Variants in HMGXB4 observed in about 807,000 individuals in gnomAD.
HMGXB4 encodes HMG-box containing 4.
Under a neutral mutation model 63.9 loss-of-function variants are expected in HMGXB4, and 27 were observed. The ratio of observed to expected loss-of-function variants is 0.42; its 90% confidence interval spans 0.31 to 0.58. The LOEUF is 0.58. Ranked by LOEUF, HMGXB4 falls within the 20% of genes least tolerant of loss-of-function variation. The pLI is 0.13. For synonymous variants in HMGXB4, 264 were observed against 265.3 expected (o/e 0.99, Z 0.05); for missense variants, 624 against 700.7 (o/e 0.89, Z 1.24).
Position 35,262,370 on chromosome 22 carries a change from C to CA in HMGXB4, c.-18dup. The CA allele has an allele frequency of 6.2e-7, 1 of 1,613,418 alleles. No homozygotes were observed. The highest frequency in any genetic ancestry group is 8.5e-7 in the Non-Finnish European group (1 of 1,179,334). ...GAGCCTGGACACAGTGACACATTCT[C>CA]AAAGGCCCTGCAGGACCACCATGGC... is the stretch of plus-strand genomic sequence containing the variant. On this transcript the variant is annotated 5_prime_UTR_variant, in exon 2 of 11. Coordinates refer to ENST00000216106, the MANE Select transcript of HMGXB4 (RefSeq NM_001003681.3).
At chr22:35,270,120 C>T (rs933831411) in intron 5 of HMGXB4, among the ~76,000 whole-genome samples, 6 of 152,214 alleles carry the variant, frequency 3.9e-5, no homozygotes, top group Admixed American at 6.5e-5. Context: ...AGTAGCCGTC[C>T]GCGGCCTGTG....
chr22:35,274,682 G>A (rs182350022), intron 5 of HMGXB4, among the ~76,000 whole-genome samples: 9 of 152,292 alleles, frequency 5.9e-5, no homozygotes, highest in Admixed American at 4.6e-4. Flanking sequence ...CAAGAGCCAC[G>A]CTCATTTCAA....
chr22:35,283,514 G>A (rs186855773), intron 5 of HMGXB4, among the ~76,000 whole-genome samples: 3 of 152,322 alleles, frequency 2.0e-5, no homozygotes, highest in African/African-American at 7.2e-5. Context: ...TCCTGGCCAG[G>A]CATGGTGGCT....
intron 5 of HMGXB4, among the ~76,000 whole-genome samples, chr22:35,280,535 T>TCCCCGCA (rs1924183221): frequency 6.6e-6 from 1 of 152,148 alleles, no homozygotes; most frequent in Admixed American, 6.6e-5. Context: ...ATTCATCCCT[T>TCCCCGCA]CCCCGCACTC....
At chr22:35,245,818 G>A in the HMGXB4 span, among the ~76,000 whole-genome samples, 18 of 152,174 alleles carry the variant, frequency 1.2e-4, no homozygotes, top group African/African-American at 4.1e-4. Context: ...TGGGAGCTTC[G>A]GCCCTCTGCT....
the HMGXB4 span, among the ~76,000 whole-genome samples, chr22:35,241,586 T>C: frequency 6.6e-6 from 1 of 152,194 alleles, no homozygotes; most frequent in Non-Finnish European, 1.5e-5. Flanking sequence ...TCCACTGAGC[T>C]CCCAGGGCCT....
At position 35,262,328 on chromosome 22, in the gene HMGXB4, G is replaced by A. The variant is rs375924761; in HGVS notation, c.-63G>A. ...TTTCCTTCTTTGTTTCTCAGACCTG[G>A]TCCTGTAGACGGGAAGGAGCCTGGA... On this transcript the variant is annotated 5_prime_UTR_variant, in exon 2 of 11. Transcript: ENST00000216106. The A allele has an allele frequency of 2.6e-6, 4 of 1,531,672 alleles. No homozygotes were observed. Among genetic ancestry groups the A allele is most frequent in the Non-Finnish European group, 3.6e-6 (4 of 1,105,150 alleles). The allele number at this position is 1,531,672 out of a possible 1,614,324, so 94.9% of individuals were successfully genotyped here.
intron 5 of HMGXB4, among the ~76,000 whole-genome samples, chr22:35,278,208 A>G (rs74642269): frequency 1.3e-3 from 191 of 152,272 alleles, no homozygotes; most frequent in African/African-American, 4.5e-3. Flanking sequence ...AGCACTGAAT[A>G]ATATTCCATT....
At chr22:35,275,150 G>A (rs542625602) in intron 5 of HMGXB4, among the ~76,000 whole-genome samples, 4 of 111,868 alleles carry the variant, frequency 3.6e-5, no homozygotes, top group Non-Finnish European at 4.9e-5. Flanking sequence ...ACGGATTTTC[G>A]CTCTTGTCGC....
chr22:35,252,406 A>G, the HMGXB4 span, among the ~76,000 whole-genome samples: 1 of 152,294 alleles, frequency 6.6e-6, no homozygotes, highest in East Asian at 1.9e-4. Context: ...GCAACTATTG[A>G]ATTCTCTGTT....
chr22:35,274,229 A>G (rs369985467), intron 5 of HMGXB4, among the ~76,000 whole-genome samples: 2 of 152,212 alleles, frequency 1.3e-5, no homozygotes, highest in East Asian at 3.8e-4. Context: ...CTTAAGGCCA[A>G]GTAGGAATTA....
In HMGXB4 at chr22:35,287,468, C is replaced by CGA. The variant is rs1569005948; in HGVS notation, c.1468+17_1468+18insAG. 3.8e-6 allele frequency: 6 copies of CGA among 1,558,854 alleles called. No individual in the cohort carries two copies. The highest frequency in any genetic ancestry group is 5.3e-6 in the Non-Finnish European group (6 of 1,132,320). The stretch of plus-strand genomic sequence containing the variant: ...AAAGTCAAAGGTAGTGACCACATCC[C>CGA]GCCCCTGCTTTTCTCTAAAGCATGT... On this transcript the variant is annotated intron_variant, in intron 8 of 10. Transcript: ENST00000216106.
chr22:35,257,664 T>TG (rs1427505646), intron 1 of HMGXB4, 107 bp downstream of exon 1: 5 of 152,462 alleles, frequency 3.3e-5, no homozygotes, highest in Non-Finnish European at 7.3e-5. Flanking sequence ...ACATCACCTC[T>TG]GGGGTGCCCC....
At position 35,284,031 on chromosome 22, in the gene HMGXB4, C is replaced by A; in HGVS notation, c.1285C>A (p.His429Asn). 1 of 1,612,316 alleles carries A rather than the reference C, an allele frequency of 6.2e-7. No homozygotes were observed. The highest frequency in any genetic ancestry group is 8.5e-7 in the Non-Finnish European group (1 of 1,178,314). Residue 429 changes from histidine to asparagine, a missense_variant, in exon 6 of 11, where the codon CAT (histidine) becomes AAT (asparagine). This residue lies in a region of HMGXB4 where 152 missense variants were observed against 230.1 expected (regional missense o/e 0.66). Transcript: ENST00000216106. ...KEYRVTIVAD[H>N]PGIDFGELSK... is the part of the protein sequence containing the mutation. ...GTATCGCGTGACCATTGTGGCTGACCATCCAGGTATAGGTAAGAACATTAC... is the reference window on the plus strand; with the variant it reads ...GTATCGCGTGACCATTGTGGCTGACAATCCAGGTATAGGTAAGAACATTAC...
chr22:35,283,890 C>G, intron 5 of HMGXB4, 72 bp from the exon 6 acceptor site: 1 of 1,069,228 alleles, frequency 9.4e-7, no homozygotes. Flanking sequence ...TATTTTATTA[C>G]TATGGATTCA....
In HMGXB4 at chr22:35,264,875, G is replaced by A. The variant is rs1923093111; in HGVS notation, c.487G>A (p.Asp163Asn). The A allele has an allele frequency of 1.2e-6, 2 of 1,613,992 alleles. No homozygotes were observed. Among genetic ancestry groups the A allele is most frequent in the African/African-American group, 2.7e-5 (2 of 74,904 alleles). ...AAGCAGTGGGGAACTACCCCTAGAG[G>A]ATGGTGGCTCCCACAAATCGAAAAA... ...SGSSGELPLE[D>N]GGSHKSKKMK... The change falls in exon 5 of 11, where the codon GAT (aspartate) becomes AAT (asparagine). Residue 163 changes from aspartate (D) to asparagine (N), a missense_variant. Physicochemically the swap from Asp to Asn is conservative, Grantham distance 23. This residue lies in a region of HMGXB4 where 472 missense variants were observed against 470.6 expected (regional missense o/e 1.00). Coordinates refer to ENST00000216106, the MANE Select transcript of HMGXB4 (RefSeq NM_001003681.3).
At chr22:35,246,164 T>G in the HMGXB4 span, among the ~76,000 whole-genome samples, 2 of 152,182 alleles carry the variant, frequency 1.3e-5, no homozygotes, top group Non-Finnish European at 2.9e-5. Flanking sequence ...AGGGCAGGGT[T>G]GAGGTGCTCA....
chr22:35,276,138 A>C (rs567409242), intron 5 of HMGXB4, among the ~76,000 whole-genome samples: 1 of 152,324 alleles, frequency 6.6e-6, no homozygotes, highest in East Asian at 1.9e-4. Flanking sequence ...CTTTAGGTCC[A>C]CAGACTAGAG....
chr22:35,247,098 A>G, the HMGXB4 span, among the ~76,000 whole-genome samples: 2 of 151,700 alleles, frequency 1.3e-5, no homozygotes, highest in Admixed American at 1.3e-4. Flanking sequence ...ATGCCTGGTG[A>G]TTTTTTTATT....
Sources: gnomAD v4.1 joint callset for allele counts (sites outside exome capture counted in the v4.1 genomes callset) on GRCh38, gnomAD v4.1.1 for gene constraint, gnomAD v4.1.1 regional missense constraint, MANE v1.5 for transcripts, NCBI Gene and HGNC (gene_info 2026-07-23, HGNC 2026-07-21) for gene names.